The following RAB2B variants were observed in gnomAD, a reference collection of about 807,000 sequenced individuals.
RAB2B encodes ras-related protein Rab-2B.
A neutral mutation model predicts 29.8 loss-of-function variants in RAB2B; 20 were observed. The ratio of observed to expected loss-of-function variants is 0.67; its 90% CI spans 0.47 to 0.97. RAB2B has a LOEUF of 0.97. RAB2B is among the 50% of genes least tolerant of loss of function. RAB2B has a pLI of 0.00. For synonymous variants in RAB2B, 93 were observed against 91.7 expected, an observed-to-expected ratio of 1.01 and a Z score of -0.08; for missense variants, 218 against 272.0, an observed-to-expected ratio of 0.80 and a Z score of 1.40.
intron 5 of RAB2B, among the ~76,000 whole-genome samples, chr14:21,465,246 T>C (rs1890660598): frequency 6.6e-6 from 1 of 152,234 alleles, no homozygotes; most frequent in South Asian, 2.1e-4. Context: ...CTAGCCCAGA[T>C]GCTTGACTAA....
At chr14:21,476,110 G>A (rs1890953971) in intron 2 of RAB2B, among the ~76,000 whole-genome samples, 1 of 152,182 alleles carries the variant, frequency 6.6e-6, no homozygotes, top group Non-Finnish European at 1.5e-5. Flanking sequence ...TTAATTCTAA[G>A]GCAGGGATGA....
In RAB2B at chr14:21,468,753, CT is replaced by C; in HGVS notation, c.187-2del. 6.6e-7 allele frequency: 1 copy of C among 1,525,300 alleles called. No individual in the cohort carries two copies. The highest frequency in any genetic ancestry group is 8.8e-7 in the Non-Finnish European group (1 of 1,136,888). The allele number at this position is 1,525,300 out of a possible 1,614,324, so 94.5% of individuals were successfully genotyped here. A position where few individuals can be genotyped will look rare whatever the true frequency, so the allele number is the denominator to read the frequency against. ...TAGAACGGAAGGATTCTTGCCCAGC[CT>C]TTCCCACCAACATGGCAACAAAAAA... On this transcript the variant is annotated splice_acceptor_variant, in intron 3 of 7. Transcript: ENST00000397762. LOFTEE classifies it high-confidence loss of function.
chr14:21,468,539 A>G, intron 4 of RAB2B, 90 bp from the exon 5 acceptor site: 1 of 1,337,212 alleles, frequency 7.5e-7, no homozygotes, highest in Non-Finnish European at 1.1e-6. Context: ...GGGAAGCCAT[A>G]CGTGTAAAGA....
At chr14:21,476,626 T>A (rs375383657) in intron 1 of RAB2B, 27 bp from the exon 2 acceptor site, 468 of 1,613,514 alleles carry the variant, frequency 2.9e-4, no homozygotes, top group Non-Finnish European at 2.7e-4. Context: ...ACTCCCGGAA[T>A]CACGCAGCCC....
chr14:21,468,337 T>A lies in RAB2B; in HGVS notation c.362+20A>T. On this transcript the variant is annotated intron_variant, in intron 5 of 7. Coordinates refer to ENST00000397762, the MANE Select transcript of RAB2B (RefSeq NM_032846.4). ...CTAGATGACTCCTGTTAACTATTAT[T>A]CACATGGATACAATTTTACCTCTTA... The A allele has an allele frequency of 6.3e-7, 1 of 1,579,950 alleles. No individual in the cohort carries two copies. Among genetic ancestry groups the A allele is most frequent in the Non-Finnish European group, 8.7e-7 (1 of 1,149,184 alleles).
intron 6 of RAB2B, 56 bp downstream of exon 6, chr14:21,463,600 G>A (rs761822614): frequency 1.5e-4 from 182 of 1,200,076 alleles, no homozygotes; most frequent in Non-Finnish European, 2.1e-4. Flanking sequence ...CTGAATACAA[G>A]GACAAATAAT....
rs1890516776 is a variant in RAB2B, at chr14:21,460,411, CCT to C, written c.*783_*784del. 2.4e-6 allele frequency: 1 copy of C among 411,280 alleles called. No homozygotes were observed. Among genetic ancestry groups the C allele is most frequent in the Non-Finnish European group, 4.8e-6 (1 of 208,512 alleles). 25.5% of individuals were successfully genotyped at this position (411,280 alleles called of 1,614,324 possible). On this transcript the variant is annotated 3_prime_UTR_variant, in exon 8 of 8. Transcript: ENST00000397762. ...ACCATCCTGGCCAACATGGTGAAAC[CCT>C]GTCTCTACTAAAAATACAAAAATGA... is the stretch of plus-strand genomic sequence containing the variant.
At chr14:21,469,508 T>A (rs1224868297) in intron 3 of RAB2B, among the ~76,000 whole-genome samples, 1 of 152,244 alleles carries the variant, frequency 6.6e-6, no homozygotes, top group Non-Finnish European at 1.5e-5. Context: ...AGATATTAAG[T>A]TCTATTTAAA....
rs759211157 is a variant in RAB2B at position 21,462,372 on chromosome 14, C to A, written c.521G>T (p.Gly174Val). 8 of 1,613,408 alleles carry A rather than the reference C, an allele frequency of 5.0e-6. No individual in the cohort carries two copies. Among genetic ancestry groups the A allele is most frequent in the Non-Finnish European group, 1.7e-6 (2 of 1,179,740 alleles). ...TACCTCATTGTGGACATCAAATAAA[C>A]CCTGCTGGATCTTCCTATATATTTC... is the stretch of plus-strand genomic sequence containing the variant. ...AKEIYRKIQQ[G>V]LFDVHNEANG... Residue 174 changes from glycine (G) to valine (V), a missense_variant, in exon 7 of 8, where the codon GGT becomes GTT. Gly to Val is a moderately radical substitution (Grantham distance 109). Coordinates refer to ENST00000397762, the MANE Select transcript of RAB2B (RefSeq NM_032846.4).
chr14:21,464,141 C>T (rs985339010), intron 5 of RAB2B, among the ~76,000 whole-genome samples: 2 of 152,012 alleles, frequency 1.3e-5, no homozygotes, highest in African/African-American at 2.4e-5. Context: ...GTGGCTCATG[C>T]CTGTAATCCC....
rs758632175 is a variant in RAB2B at position 21,476,709 on chromosome 14, C to T, written c.47-110G>A. 3 of 1,594,184 alleles carry T rather than the reference C, an allele frequency of 1.9e-6. No individual in the cohort carries two copies. The African/African-American group carries it at 4.0e-5, about 21-fold the overall frequency. Reference sequence around the variant, plus strand: ...TCCCGAGCCCCGCCCCCGGCCGCCCCGAACCGCCCCGCCCGTCTCGAATCG... The same window carrying T: ...TCCCGAGCCCCGCCCCCGGCCGCCCTGAACCGCCCCGCCCGTCTCGAATCG... On this transcript the variant is annotated intron_variant, in intron 1 of 7. Coordinates refer to ENST00000397762, the MANE Select transcript of RAB2B (RefSeq NM_032846.4).
Position 21,476,614 on chromosome 14 carries a change from ACACT to A in RAB2B, c.47-19_47-16del. 6.2e-7 allele frequency: 1 copy of A among 1,613,674 alleles called. No homozygotes were observed. Among genetic ancestry groups the A allele is most frequent in the Non-Finnish European group, 8.5e-7 (1 of 1,179,972 alleles). On this transcript the variant is annotated splice_polypyrimidine_tract_variant and intron_variant, in intron 1 of 7. Coordinates refer to ENST00000397762, the MANE Select transcript of RAB2B (RefSeq NM_032846.4). ...CTTCCCCACACCTGAAAGAGAAAGC[ACACT>A]CCCGGAATCACGCAGCCCTGGAACA...
chr14:21,465,853 G>GT (rs2139596939), intron 5 of RAB2B, among the ~76,000 whole-genome samples: 1 of 151,992 alleles, frequency 6.6e-6, no homozygotes, highest in South Asian at 2.1e-4. Context: ...TTCAATAAAC[G>GT]TGTCAAGCTT....
At chr14:21,463,817 A>G (rs758932705) in intron 5 of RAB2B, 50 bp from the exon 6 acceptor site, 1 of 1,212,218 alleles carries the variant, frequency 8.2e-7, no homozygotes, top group Non-Finnish European at 1.2e-6. Context: ...TCCAAGTGAA[A>G]GAGGAAAGTC....
chr14:21,474,696 A>G (rs1890905398), intron 3 of RAB2B, 171 bp downstream of exon 3: 1 of 588,540 alleles, frequency 1.7e-6, no homozygotes, highest in Non-Finnish European at 3.0e-6. Context: ...ACAAAGATAC[A>G]GCATCCAGAA....
At chr14:21,476,683 C>A in intron 1 of RAB2B, 84 bp from the exon 2 acceptor site, 1 of 1,611,344 alleles carries the variant, frequency 6.2e-7, no homozygotes, top group Non-Finnish European at 8.5e-7. Flanking sequence ...AGAAGGGGGG[C>A]TCCCGAGCCC....
At chr14:21,476,675 A>G (rs1262991589) in intron 1 of RAB2B, 76 bp from the exon 2 acceptor site, 1 of 1,612,712 alleles carries the variant, frequency 6.2e-7, no homozygotes, top group Admixed American at 1.7e-5. Flanking sequence ...CGGACCAGAG[A>G]AGGGGGGCTC....
At chr14:21,468,292 G>A in intron 5 of RAB2B, 65 bp downstream of exon 5, 1 of 1,268,180 alleles carries the variant, frequency 7.9e-7, no homozygotes, top group Non-Finnish European at 1.1e-6. Context: ...AAAGTTTGGG[G>A]ATCAATGTGC....
intron 5 of RAB2B, 112 bp downstream of exon 5, chr14:21,468,245 T>TG: frequency 1.3e-6 from 1 of 763,746 alleles, no homozygotes; most frequent in South Asian, 1.9e-5. Context: ...CAAAATTTTT[T>TG]TTTTTTACTG....
Sources: gnomAD v4.1 joint callset for allele counts (sites outside exome capture counted in the v4.1 genomes callset) on GRCh38, gnomAD v4.1.1 for gene constraint, MANE v1.5 for transcripts, NCBI Gene and HGNC (gene_info 2026-07-23, HGNC 2026-07-21) for gene names.